MGRN1: variants seen among roughly 807,000 people sequenced by gnomAD.
MGRN1 encodes E3 ubiquitin-protein ligase MGRN1.
Under a neutral mutation model 69.2 loss-of-function variants are expected in MGRN1, and 29 were observed. That is an observed-to-expected ratio of 0.42 (90% CI 0.31 to 0.57). MGRN1 has a LOEUF of 0.57. Among genes scored for constraint, MGRN1 ranks in the 20% least tolerant of loss-of-function variants. The pLI is 0.15. For missense variants in MGRN1, 998 were observed against 796.2 expected (o/e 1.25, Z -3.05); for synonymous variants, 470 against 344.2 (o/e 1.37, Z -4.04).
intron 1 of MGRN1, 124 bp downstream of exon 1, chr16:4,625,172 C>G (rs1440071217): frequency 1.1e-6 from 1 of 916,360 alleles, no homozygotes; most frequent in South Asian, 2.6e-5. Context: ...GTTGCTACCC[C>G]GAGCCTTCGC....
At chr16:4,639,135 C>G (rs1027835914) in intron 1 of MGRN1, among the ~76,000 whole-genome samples, 1 of 152,176 alleles carries the variant, frequency 6.6e-6, no homozygotes, top group African/African-American at 2.4e-5. Flanking sequence ...GAGTGTTCAT[C>G]CAGCTCTTAG....
At chr16:4,644,349 C>T (rs2078230888) in intron 1 of MGRN1, among the ~76,000 whole-genome samples, 1 of 133,074 alleles carries the variant, frequency 7.5e-6, no homozygotes, top group East Asian at 2.3e-4. Context: ...CTCTTGTTGT[C>T]CAGGCTGGAG....
In MGRN1 at chr16:4,626,975, T is replaced by G. The variant is rs1034284546; in HGVS notation, c.88+1927T>G. ...TCTTCTCCATCCTTCCCTGGGGCCTTGCAGATACTTGTTCTTCTCTTTGTT... is the reference window on the plus strand; with the variant it reads ...TCTTCTCCATCCTTCCCTGGGGCCTGGCAGATACTTGTTCTTCTCTTTGTT... On this transcript the variant is annotated intron_variant, in intron 1 of 16. Transcript: ENST00000262370. Among the ~76,000 whole-genome samples, 5 of 152,314 alleles carry G rather than the reference T, an allele frequency of 3.3e-5. No homozygotes were observed. The South Asian group carries it at 1.0e-3, about 32-fold the overall frequency.
rs1462049725 is a variant in MGRN1 at position 4,652,569 on chromosome 16, G to T, written c.297-109G>T. 4 of 1,379,122 alleles carry T rather than the reference G, an allele frequency of 2.9e-6. No individual in the cohort carries two copies. The African/African-American group carries it at 5.8e-5, about 20-fold the overall frequency. The allele number at this position is 1,379,122 out of a possible 1,614,324, so 85.4% of individuals were successfully genotyped here. A position where few individuals can be genotyped will look rare whatever the true frequency, so the allele number is the denominator to read the frequency against. On this transcript the variant is annotated intron_variant, in intron 3 of 16. Coordinates refer to ENST00000262370, the MANE Select transcript of MGRN1 (RefSeq NM_015246.4). Reference sequence around the variant, plus strand: ...GCCCCTATGTCTACTGGAGAAGCGGGCTGTGTCCACATAGCCACCTCCACG... The same window carrying T: ...GCCCCTATGTCTACTGGAGAAGCGGTCTGTGTCCACATAGCCACCTCCACG...
Position 4,683,915 on chromosome 16 carries a change from C to T in MGRN1, c.1601C>T (p.Ala534Val). Residue 534 changes from alanine to valine, a missense_variant, in exon 16 of 17, where the codon GCT (alanine) becomes GTT (valine). Ala to Val is a moderately conservative substitution (Grantham distance 64). Transcript: ENST00000262370. ...GAGCACTGTGGCCGAGGCCCACCTG[C>T]TGACATCTACCTGCCAGGTAAGGGG... ...SPEHCGRGPP[A>V]DIYLPGRPTS... 1 of 1,608,080 alleles carries T rather than the reference C, an allele frequency of 6.2e-7. No homozygotes were observed. The highest frequency in any genetic ancestry group is 8.5e-7 in the Non-Finnish European group (1 of 1,177,232).
chr16:4,678,789 A>C (rs1025807614), intron 11 of MGRN1, among the ~76,000 whole-genome samples: 1 of 152,186 alleles, frequency 6.6e-6, no homozygotes, highest in African/African-American at 2.4e-5. Context: ...CTGCCTCTCT[A>C]AACAGAAAAG....
rs1330956247 is a variant in MGRN1, at chr16:4,690,944, ATATT to A, written c.*2040_*2043del. On this transcript the variant is annotated 3_prime_UTR_variant, in exon 17 of 17. Coordinates refer to ENST00000262370, the MANE Select transcript of MGRN1 (RefSeq NM_015246.4). ...CTCATCGTTGGTTCGTTTTTACTGTATATTTATAGTAATAAAATCATGCAGCAAT... is the reference window on the plus strand; with the variant it reads ...CTCATCGTTGGTTCGTTTTTACTGTATATAGTAATAAAATCATGCAGCAAT... 32 of 152,246 alleles carry A rather than the reference ATATT, an allele frequency of 2.1e-4. No homozygotes were observed. The highest frequency in any genetic ancestry group is 1.5e-5 in the Non-Finnish European group (1 of 67,992). The allele number at this position is 152,246 out of a possible 1,614,324, so 9.4% of individuals were successfully genotyped here.
intron 9 of MGRN1, among the ~76,000 whole-genome samples, chr16:4,671,765 C>T (rs1281974148): frequency 1.3e-5 from 2 of 152,092 alleles, no homozygotes; most frequent in Non-Finnish European, 2.9e-5. Flanking sequence ...CGGCTCCTGC[C>T]CGCCTCCCCA....
At chr16:4,638,237 C>T (rs555639273) in intron 1 of MGRN1, among the ~76,000 whole-genome samples, 69 of 152,060 alleles carry the variant, frequency 4.5e-4, no homozygotes, top group African/African-American at 1.5e-3. Flanking sequence ...GAGGCCGAGG[C>T]GGGTGGATTA....
chr16:4,648,533 G>T (rs866228564), intron 1 of MGRN1, among the ~76,000 whole-genome samples: 4 of 113,986 alleles, frequency 3.5e-5, no homozygotes, highest in South Asian at 5.6e-4. Context: ...GGCTCTTCCC[G>T]TGGTCACCCG....
chr16:4,688,684 G>C, intron 16 of MGRN1, 112 bp from the exon 17 acceptor site: 3 of 1,449,904 alleles, frequency 2.1e-6, no homozygotes, highest in Admixed American at 5.3e-5. Context: ...ACAGGCGGCG[G>C]GAGTGGGGGT....
Position 4,673,562 on chromosome 16 carries a change from A to G in MGRN1, c.860A>G (p.Asp287Gly). 6.2e-7 allele frequency: 1 copy of G among 1,613,760 alleles called. No individual in the cohort carries two copies. The highest frequency in any genetic ancestry group is 8.5e-7 in the Non-Finnish European group (1 of 1,179,970). Residue 287 changes from aspartate (D) to glycine (G), a missense_variant, in exon 10 of 17, where the codon GAC becomes GGC. Physicochemically the swap from Asp to Gly is moderately conservative, Grantham distance 94 (BLOSUM62 -1). Transcript: ENST00000262370. ...ECVVCLSDLR[D>G]TLILPCRHLC... ...GTGGTGTGCCTGTCCGACCTGCGGGACACGCTGATCCTGCCCTGCCGCCAC... is the reference window on the plus strand; with the variant it reads ...GTGGTGTGCCTGTCCGACCTGCGGGGCACGCTGATCCTGCCCTGCCGCCAC...
Position 4,659,997 on chromosome 16 carries a change from T to TGG in MGRN1, c.561+2635_561+2636insGG, listed in dbSNP as rs553316488. On this transcript the variant is annotated intron_variant, in intron 5 of 16. Coordinates refer to ENST00000262370, the MANE Select transcript of MGRN1 (RefSeq NM_015246.4). ...CATTTGGGGCGGGGGCCTCCCGTCC[T>TGG]GCAGCCAGGCCGCAGAGACCTGGAG... Among the ~76,000 whole-genome samples, 261 of 152,336 alleles carry TGG rather than the reference T, an allele frequency of 1.7e-3. 1 individual carries two copies. The highest frequency in any genetic ancestry group is 5.9e-3 in the African/African-American group (244 of 41,586).
At chr16:4,643,321 G>T (rs1285576063) in intron 1 of MGRN1, among the ~76,000 whole-genome samples, 1 of 151,726 alleles carries the variant, frequency 6.6e-6, no homozygotes. Context: ...GTCTCGAACT[G>T]CTGGGCTCAA....
In MGRN1 at chr16:4,681,713, C is replaced by T; in HGVS notation, c.1295C>T (p.Ala432Val). The T allele has an allele frequency of 6.2e-7, 1 of 1,613,234 alleles. No individual in the cohort carries two copies. Among genetic ancestry groups the T allele is most frequent in the Non-Finnish European group, 8.5e-7 (1 of 1,179,948 alleles). Residue 432 changes from alanine to valine, a missense_variant, in exon 13 of 17, where the codon GCT becomes GTT. By Grantham distance (64) the Ala-to-Val change is moderately conservative (BLOSUM62 0). Transcript: ENST00000262370. ...TCCCAGGCCAGCTGTCCCCTCGCGG[C>T]TATCGACCACATCCTGGACAGCAGC... ...GLSQASCPLAAIDHILDSSRQ... is the reference protein window; with the variant it reads ...GLSQASCPLAVIDHILDSSRQ...
intron 1 of MGRN1, among the ~76,000 whole-genome samples, chr16:4,630,252 C>G (rs116830742): frequency 6.8e-6 from 1 of 147,160 alleles, no homozygotes; most frequent in South Asian, 2.2e-4. Flanking sequence ...ATTGGGAGGC[C>G]GAGGCAGAAG....
At chr16:4,637,138 A>T (rs1898341570) in intron 1 of MGRN1, among the ~76,000 whole-genome samples, 1 of 150,040 alleles carries the variant, frequency 6.7e-6, no homozygotes, top group Non-Finnish European at 1.5e-5. Context: ...AAAAAAAAAA[A>T]AAATTGAGTG....
chr16:4,682,972 C>T (rs368857622), intron 14 of MGRN1, 26 bp downstream of exon 14: 20 of 1,516,920 alleles, frequency 1.3e-5, no homozygotes, highest in South Asian at 5.1e-5. Context: ...GGAAGCTTTG[C>T]GCACCCGCCC....
intron 16 of MGRN1, 104 bp from the exon 17 acceptor site, chr16:4,688,692 G>A (rs1596324838): frequency 6.9e-7 from 1 of 1,453,234 alleles, no homozygotes; most frequent in Non-Finnish European, 9.1e-7. Context: ...CGGGAGTGGG[G>A]GTGCTGGATG....
Sources: gnomAD v4.1 joint callset for allele counts (sites outside exome capture counted in the v4.1 genomes callset) on GRCh38, gnomAD v4.1.1 for gene constraint, MANE v1.5 for transcripts, NCBI Gene and HGNC (gene_info 2026-07-23, HGNC 2026-07-21) for gene names.